Variants in DRC8 observed in about 807,000 individuals in gnomAD.
DRC8 encodes the protein dynein regulatory complex protein 8.
chr1:244,970,578 G>T, the DRC8 span: 1 of 1,159,650 alleles, frequency 8.6e-7, no homozygotes, highest in Non-Finnish European at 1.2e-6. Context: ...CCTGAGGAGG[G>T]GGCCACCCGG....
the DRC8 span, among the ~76,000 whole-genome samples, chr1:245,046,871 G>A: frequency 6.6e-6 from 1 of 152,036 alleles, no homozygotes; most frequent in Non-Finnish European, 1.5e-5. Flanking sequence ...CCTTTACTGG[G>A]CAACTATGTC....
At chr1:245,079,805 C>T in the DRC8 span, among the ~76,000 whole-genome samples, 1 of 152,184 alleles carries the variant, frequency 6.6e-6, no homozygotes, top group South Asian at 2.1e-4. Flanking sequence ...TTTAAAATTC[C>T]TCCTCCGGAG....
chr1:245,122,163 A>G, the DRC8 span: 15 of 233,374 alleles, frequency 6.4e-5, no homozygotes, highest in Non-Finnish European at 1.3e-4. Context: ...TCAGCCTCCC[A>G]AAGTTCTGGG....
the DRC8 span, among the ~76,000 whole-genome samples, chr1:245,037,603 T>C: frequency 1.3e-5 from 2 of 152,206 alleles, no homozygotes; most frequent in African/African-American, 4.8e-5. Flanking sequence ...TATTTAGTAT[T>C]GACTAGAGGT....
chr1:245,034,323 G>A, the DRC8 span, among the ~76,000 whole-genome samples: 2 of 152,118 alleles, frequency 1.3e-5, no homozygotes, highest in Non-Finnish European at 2.9e-5. Flanking sequence ...ATGACAGGAT[G>A]GGCGCAGTGG....
chr1:245,008,459 T>A, the DRC8 span, among the ~76,000 whole-genome samples: 1 of 152,182 alleles, frequency 6.6e-6, no homozygotes, highest in Non-Finnish European at 1.5e-5. Context: ...GTGTTACTTT[T>A]TAATATCAAA....
At chr1:245,086,969 A>G in the DRC8 span, 8 of 542,532 alleles carry the variant, frequency 1.5e-5, no homozygotes, top group East Asian at 1.1e-4. Context: ...TGATGTCTGT[A>G]TGTCTTCCTA....
chr1:245,001,857 C>T, the DRC8 span, among the ~76,000 whole-genome samples: 2 of 152,078 alleles, frequency 1.3e-5, no homozygotes, highest in East Asian at 1.9e-4. Context: ...GTTCTCTTTT[C>T]CCTAGCTAAT....
At chr1:245,071,706 G>A in the DRC8 span, among the ~76,000 whole-genome samples, 1 of 152,166 alleles carries the variant, frequency 6.6e-6, no homozygotes, top group African/African-American at 2.4e-5. Context: ...CAAGCTCATT[G>A]ATCAGTTTCT....
the DRC8 span, among the ~76,000 whole-genome samples, chr1:244,980,541 G>A: frequency 1.3e-5 from 2 of 152,150 alleles, no homozygotes; most frequent in Non-Finnish European, 2.9e-5. Context: ...AGTAATGGAA[G>A]TCAGGAATGA....
At chr1:245,089,007 A>C in the DRC8 span, among the ~76,000 whole-genome samples, 1 of 152,204 alleles carries the variant, frequency 6.6e-6, no homozygotes, top group African/African-American at 2.4e-5. The surrounding 1 kb of genome is among the most constrained non-coding windows in gnomAD (Gnocchi z 4.8). Context: ...TTTATTCTGA[A>C]GATCACAGAG....
chr1:245,011,428 G>A, the DRC8 span, among the ~76,000 whole-genome samples: 2 of 152,194 alleles, frequency 1.3e-5, no homozygotes, highest in South Asian at 4.1e-4. Flanking sequence ...GCAGCACAGT[G>A]GCATCACCAG....
the DRC8 span, among the ~76,000 whole-genome samples, chr1:244,973,709 A>T: frequency 6.6e-6 from 1 of 152,206 alleles, no homozygotes; most frequent in African/African-American, 2.4e-5. Context: ...AGAAATACAC[A>T]TATGTTTTAA....
the DRC8 span, among the ~76,000 whole-genome samples, chr1:245,120,037 T>A: frequency 6.6e-6 from 1 of 152,184 alleles, no homozygotes; most frequent in Non-Finnish European, 1.5e-5. Flanking sequence ...GGCCATTTAG[T>A]TAAAATAAGA....
the DRC8 span, among the ~76,000 whole-genome samples, chr1:245,009,153 A>C: frequency 2.8e-5 from 4 of 142,862 alleles, no homozygotes; most frequent in African/African-American, 1.1e-4. Context: ...CTCCTGCCTC[A>C]GCCTCCTGAG....
the DRC8 span, among the ~76,000 whole-genome samples, chr1:245,065,749 A>G: frequency 6.6e-6 from 1 of 151,884 alleles, no homozygotes; most frequent in East Asian, 2.0e-4. Context: ...AATCACCCGC[A>G]TCGGAGTGTT....
At chr1:245,063,870 G>A in the DRC8 span, among the ~76,000 whole-genome samples, 2 of 151,978 alleles carry the variant, frequency 1.3e-5, no homozygotes, top group African/African-American at 2.4e-5. Flanking sequence ...TTACAGGCAC[G>A]CACCACCACA....
At chr1:245,081,553 C>G in the DRC8 span, among the ~76,000 whole-genome samples, 1 of 152,122 alleles carries the variant, frequency 6.6e-6, no homozygotes, top group South Asian at 2.1e-4. Context: ...ACTGCAACCT[C>G]CATCTCCCGG....
the DRC8 span, among the ~76,000 whole-genome samples, chr1:245,065,073 C>CTTTTTTTTTTTT: frequency 0.015 from 1,219 of 81,504 alleles, 12 homozygotes; most frequent in East Asian, 0.02. Context: ...TAACATTCTT[C>CTTTTTTTTTTTT]TTTTTTTTTT....
Sources: allele counts gnomAD v4.1 joint callset (sites outside exome capture counted in the v4.1 genomes callset), GRCh38; gene constraint gnomAD v4.1.1; non-coding constraint Gnocchi (gnomAD v3.1); transcripts MANE v1.5; gene names NCBI Gene and HGNC (gene_info 2026-07-23, HGNC 2026-07-21).